Variants in PHACTR1 observed in about 807,000 individuals in gnomAD.
The protein encoded by PHACTR1 is phosphatase and actin regulator 1.
In PHACTR1, 16 loss-of-function variants were observed where a neutral mutation model predicts 69.2. The ratio of observed to expected loss-of-function variants is 0.23; its 90% CI spans 0.16 to 0.35. PHACTR1 has a LOEUF of 0.35. PHACTR1 is among the 10% of genes least tolerant of loss of function. The pLI is 1.00. For synonymous variants in PHACTR1, 312 were observed against 284.5 expected (o/e 1.10, Z -0.97); for missense variants, 510 against 734.7 (o/e 0.69, Z 3.54).
chr6:12,953,267 G>A (rs1791506772), intron 4 of PHACTR1, among the ~76,000 whole-genome samples: 2 of 152,196 alleles, frequency 1.3e-5, no homozygotes, highest in Admixed American at 1.3e-4. Context: ...AGATTGCAGT[G>A]AGCCGAGATC....
chr6:13,231,129 G>T, intron 10 of PHACTR1, among the ~76,000 whole-genome samples: 1 of 134,608 alleles, frequency 7.4e-6, no homozygotes, highest in Non-Finnish European at 1.5e-5. Context: ...GAGAAAGAAA[G>T]AAGGAAAGAG....
chr6:13,089,988 G>A (rs986785510), intron 5 of PHACTR1, among the ~76,000 whole-genome samples: 1 of 152,182 alleles, frequency 6.6e-6, no homozygotes, highest in Admixed American at 6.5e-5. Flanking sequence ...CAGGTAAGCC[G>A]AAATGCCAGA....
At chr6:13,013,903 G>A (rs1799783503) in intron 4 of PHACTR1, among the ~76,000 whole-genome samples, 1 of 149,998 alleles carries the variant, frequency 6.7e-6, no homozygotes, top group Non-Finnish European at 1.5e-5. Context: ...GAGCCCACGC[G>A]CTCAGCGAAG....
At chr6:13,220,729 TC>T (rs1231944230) in intron 8 of PHACTR1, among the ~76,000 whole-genome samples, 1 of 152,158 alleles carries the variant, frequency 6.6e-6, no homozygotes, top group Non-Finnish European at 1.5e-5. Flanking sequence ...AAAGATAATT[TC>T]CCTACAACAG....
At chr6:13,009,799 C>A (rs1216496019) in intron 4 of PHACTR1, among the ~76,000 whole-genome samples, 2 of 152,058 alleles carry the variant, frequency 1.3e-5, no homozygotes, top group Admixed American at 1.3e-4. Context: ...CAATGGCTGC[C>A]CATCCTTGAC....
At chr6:13,260,606 T>G (rs1775781351) in intron 10 of PHACTR1, among the ~76,000 whole-genome samples, 1 of 152,094 alleles carries the variant, frequency 6.6e-6, no homozygotes, top group Non-Finnish European at 1.5e-5. Flanking sequence ...AGCTGAGGCT[T>G]AGAGAGGAAT....
At chr6:13,218,291 T>C (rs143167110) in intron 8 of PHACTR1, among the ~76,000 whole-genome samples, 1 of 152,134 alleles carries the variant, frequency 6.6e-6, no homozygotes. Context: ...TCCCCTCCCA[T>C]GGATGGGTCA....
At chr6:12,957,998 G>A (rs1010144563) in intron 4 of PHACTR1, 3 of 985,316 alleles carry the variant, frequency 3.0e-6, no homozygotes, top group Admixed American at 6.1e-5. Context: ...CCAGAGAGGC[G>A]GATGCATGTG....
intron 5 of PHACTR1, among the ~76,000 whole-genome samples, chr6:13,119,145 C>G (rs1347752941): frequency 1.3e-5 from 2 of 152,108 alleles, no homozygotes; most frequent in African/African-American, 4.8e-5. Context: ...TGTTTCTCCC[C>G]AAGCATATTT....
At chr6:13,031,330 A>G (rs1308705015) in intron 4 of PHACTR1, among the ~76,000 whole-genome samples, 1 of 152,190 alleles carries the variant, frequency 6.6e-6, no homozygotes, top group East Asian at 1.9e-4. Flanking sequence ...TAGCTGGAAT[A>G]CTTAGTTGGA....
At chr6:12,846,586 G>C (rs1779284963) in intron 4 of PHACTR1, among the ~76,000 whole-genome samples, 2 of 152,232 alleles carry the variant, frequency 1.3e-5, no homozygotes, top group East Asian at 3.9e-4. Context: ...TGTAAGGTGT[G>C]GTAGGAACAC....
chr6:12,870,155 T>A (rs1290125821), intron 4 of PHACTR1, among the ~76,000 whole-genome samples: 1 of 151,908 alleles, frequency 6.6e-6, no homozygotes, highest in Non-Finnish European at 1.5e-5. Context: ...TTCCCCTGTA[T>A]CAACAACATC....
At chr6:12,798,853 C>T (rs1220350959) in intron 4 of PHACTR1, among the ~76,000 whole-genome samples, 1 of 152,192 alleles carries the variant, frequency 6.6e-6, no homozygotes, top group Non-Finnish European at 1.5e-5. Flanking sequence ...CAGCTTATGG[C>T]CCTTGCCTGA....
intron 5 of PHACTR1, among the ~76,000 whole-genome samples, chr6:13,133,945 C>T: frequency 6.6e-6 from 1 of 151,402 alleles, no homozygotes; most frequent in East Asian, 2.0e-4. Context: ...CTCTGCCCCG[C>T]CACCCCGTCT....
intron 10 of PHACTR1, chr6:13,272,513 C>G (rs990832868): frequency 2.5e-6 from 1 of 405,266 alleles, no homozygotes; most frequent in Admixed American, 4.1e-5. Flanking sequence ...GGCCACAGTC[C>G]CCAAGTTAGG....
chr6:13,012,873 G>C (rs1173668316), intron 4 of PHACTR1, among the ~76,000 whole-genome samples: 1 of 152,190 alleles, frequency 6.6e-6, no homozygotes, highest in Non-Finnish European at 1.5e-5. Context: ...AAGTTATTGA[G>C]CTTTGATTTG....
chr6:12,859,270 CT>C (rs1254264450), intron 4 of PHACTR1, among the ~76,000 whole-genome samples: 1 of 152,104 alleles, frequency 6.6e-6, no homozygotes, highest in South Asian at 2.1e-4. Flanking sequence ...CCTACACATA[CT>C]TTTTTTCCTA....
chr6:13,136,636 G>A (rs1821590123), intron 5 of PHACTR1, among the ~76,000 whole-genome samples: 1 of 152,178 alleles, frequency 6.6e-6, no homozygotes, highest in Non-Finnish European at 1.5e-5. Context: ...TCCTCACTAA[G>A]CTTAATCATT....
chr6:13,107,399 A>G (rs1369061630), intron 5 of PHACTR1, among the ~76,000 whole-genome samples: 2 of 152,212 alleles, frequency 1.3e-5, no homozygotes, highest in Non-Finnish European at 2.9e-5. Context: ...GGTGTGAGCC[A>G]CCATGCTTGG....
Sources: gnomAD v4.1 joint callset for allele counts (sites outside exome capture counted in the v4.1 genomes callset) on GRCh38, gnomAD v4.1.1 for gene constraint, MANE v1.5 for transcripts, NCBI Gene and HGNC (gene_info 2026-07-23, HGNC 2026-07-21) for gene names.